Variants in TMC6 observed in about 807,000 individuals in gnomAD.
TMC6 encodes the protein transmembrane channel like 6.
TMC6 carries 71 observed loss-of-function variants against 95.4 expected under a neutral mutation model. That is an observed-to-expected ratio of 0.74 (90% CI 0.61 to 0.91). The LOEUF is 0.91. Ranked by LOEUF, TMC6 falls within the 40% of genes least tolerant of loss-of-function variation. TMC6 has a pLI of 0.00. For synonymous variants in TMC6, 514 were observed against 483.1 expected, an observed-to-expected ratio of 1.06 and a Z score of -0.84; for missense variants, 1,074 against 1,079.1, an observed-to-expected ratio of 1.00 and a Z score of 0.07.
Position 78,109,169 on chromosome 17 carries a change from G to T in TMC6, c.*3979C>A, listed in dbSNP as rs2073773741. ...ACATCACGGCAGAACGGTAAAGGCA[G>T]AAAGCACAGTGCCCAGCAGCTAGCA... On this transcript the variant is annotated 3_prime_UTR_variant, in exon 20 of 20. Transcript: ENST00000590602. 3.2e-6 allele frequency: 1 copy of T among 316,118 alleles called. No homozygotes were observed. The highest frequency in any genetic ancestry group is 4.5e-5 in the Admixed American group (1 of 22,062). The allele number at this position is 316,118 out of a possible 1,614,324, so 19.6% of individuals were successfully genotyped here.
rs201014463 is a variant in TMC6 at position 78,125,816 on chromosome 17, G to T, written c.340C>A (p.Arg114=). The T allele has an allele frequency of 1.3e-6, 2 of 1,556,490 alleles. No individual in the cohort carries two copies. Among genetic ancestry groups the T allele is most frequent in the Admixed American group, 1.9e-5 (1 of 51,892 alleles). ...RTVQLRCRSS[R]PLLGNFVRSA... ...CGGACAAAGTTCCCGAGCAGGGGCCGGCTGCTCCTGCACCGAAGCTGCACC... is the reference window on the plus strand; with the variant it reads ...CGGACAAAGTTCCCGAGCAGGGGCCTGCTGCTCCTGCACCGAAGCTGCACC... The change falls in exon 5 of 20, where the codon CGG becomes AGG. Residue 114 remains arginine (R), a synonymous_variant. Coordinates refer to ENST00000590602, the MANE Select transcript of TMC6 (RefSeq NM_001127198.5).
rs1363330202 is a variant in TMC6 at position 78,112,298 on chromosome 17, G to A, written c.*850C>T. The A allele has an allele frequency of 4.1e-6, 1 of 245,630 alleles. No homozygotes were observed. The highest frequency in any genetic ancestry group is 2.4e-5 in the African/African-American group (1 of 41,830). 15.2% of individuals were successfully genotyped at this position (245,630 alleles called of 1,614,324 possible). A position where few individuals can be genotyped will look rare whatever the true frequency, so the allele number is the denominator to read the frequency against. Reference sequence around the variant, plus strand: ...CTGGTCCCCGCAGACCTGGAGCCCTGGGCTGTCATGGGCTGGTCCCTGCAG... The same window carrying A: ...CTGGTCCCCGCAGACCTGGAGCCCTAGGCTGTCATGGGCTGGTCCCTGCAG... On this transcript the variant is annotated 3_prime_UTR_variant, in exon 20 of 20. Transcript: ENST00000590602.
rs1323244690 is a variant in TMC6 at position 78,109,729 on chromosome 17, G to T, written c.*3419C>A. On this transcript the variant is annotated 3_prime_UTR_variant, in exon 20 of 20. Transcript: ENST00000590602. ...GTGCTCGGATGGGCCCAGAGCAGGG[G>T]TTCTCAACCTTGGCCCATTAGAATT... The T allele has an allele frequency of 2.8e-6, 1 of 358,766 alleles. No homozygotes were observed. The highest frequency in any genetic ancestry group is 7.5e-5 in the East Asian group (1 of 13,412). The allele number at this position is 358,766 out of a possible 1,614,324, so 22.2% of individuals were successfully genotyped here. A position where few individuals can be genotyped will look rare whatever the true frequency, so the allele number is the denominator to read the frequency against.
At chr17:78,115,681 G>A (rs373306462) in intron 18 of TMC6, among the ~76,000 whole-genome samples, 5,961 of 83,124 alleles carry the variant, frequency 0.072, 130 homozygotes, top group Middle Eastern at 0.099. Flanking sequence ...TGGGCACAGG[G>A]GCGAAGGGAG....
intron 8 of TMC6, 32 bp downstream of exon 8, chr17:78,124,492 C>A (rs1479885716): frequency 6.2e-7 from 1 of 1,602,548 alleles, no homozygotes. Context: ...AAGACAGGCA[C>A]CCCCCGTCCC....
Position 78,117,879 on chromosome 17 carries a change from CAT to C in TMC6, c.1942_1943del (p.Met648GlufsTer112), listed in dbSNP as rs1458008918. On this transcript the variant is annotated frameshift_variant, in exon 16 of 20. Coordinates refer to ENST00000590602, the MANE Select transcript of TMC6 (RefSeq NM_001127198.5). LOFTEE classifies it high-confidence loss of function. ...AGAGCAGCGTGAGGAAGACGGTGCT[CAT>C]GTGTGAGGCCAGCCAGGGCCGGCGC... ...APRRPWLASH[M>X]STVFLTLLCF... 6.8e-6 allele frequency: 11 copies of C among 1,607,314 alleles called. No homozygotes were observed. Among genetic ancestry groups the C allele is most frequent in the Non-Finnish European group, 9.3e-6 (11 of 1,177,388 alleles).
chr17:78,126,675 A>C, intron 2 of TMC6, 27 bp from the exon 3 acceptor site: 1 of 1,612,382 alleles, frequency 6.2e-7, no homozygotes, highest in Non-Finnish European at 8.5e-7. Context: ...CGGGGGGGTC[A>C]GGCTCCAGCC....
In TMC6 at chr17:78,124,734, C is replaced by T; in HGVS notation, c.681G>A (p.Leu227=). 1 of 1,586,226 alleles carries T rather than the reference C, an allele frequency of 6.3e-7. No homozygotes were observed. Among genetic ancestry groups the T allele is most frequent in the Non-Finnish European group, 8.6e-7 (1 of 1,166,828 alleles). ...GCTTCAGGGCGTAGCGCCACGGCAT[C>T]AGGGCCTGCAGGGCGGAGAGCAGCG... The part of the protein sequence containing the change: ...GLALLSALQA[L]MPWRYALKRI... The change falls in exon 8 of 20, where the codon CTG becomes CTA. Residue 227 remains leucine, a synonymous_variant. Coordinates refer to ENST00000590602, the MANE Select transcript of TMC6 (RefSeq NM_001127198.5).
Position 78,112,868 on chromosome 17 carries a change from G to A in TMC6, c.*280C>T, listed in dbSNP as rs1167600049. ...CGCCTGGAGGTGGCCCCAGGGCAGCGGGAAGCAGGCCCCGGGTGTGGTCAC... is the reference window on the plus strand; with the variant it reads ...CGCCTGGAGGTGGCCCCAGGGCAGCAGGAAGCAGGCCCCGGGTGTGGTCAC... On this transcript the variant is annotated 3_prime_UTR_variant, in exon 20 of 20. Coordinates refer to ENST00000590602, the MANE Select transcript of TMC6 (RefSeq NM_001127198.5). The A allele has an allele frequency of 6.4e-5, 32 of 499,650 alleles. No homozygotes were observed. The highest frequency in any genetic ancestry group is 2.6e-4 in the South Asian group (10 of 38,252). 31.0% of individuals were successfully genotyped at this position (499,650 alleles called of 1,614,324 possible).
rs141652880 is a variant in TMC6, at chr17:78,112,656, T to C, written c.*492A>G. 1,220 of 187,302 alleles carry C rather than the reference T, an allele frequency of 6.5e-3. 8 individuals carry two copies. Among genetic ancestry groups the C allele is most frequent in the Non-Finnish European group, 8.8e-3 (786 of 88,836 alleles). 11.6% of individuals were successfully genotyped at this position (187,302 alleles called of 1,614,324 possible). On this transcript the variant is annotated 3_prime_UTR_variant, in exon 20 of 20. Transcript: ENST00000590602. ...ACAGCATCACCCAATGGTTGACGCATCGCTCTGGTCACAATCCGTGCCTGC... is the reference window on the plus strand; with the variant it reads ...ACAGCATCACCCAATGGTTGACGCACCGCTCTGGTCACAATCCGTGCCTGC...
In TMC6 at chr17:78,117,930, G is replaced by T. The variant is rs777551337; in HGVS notation, c.1893C>A (p.Ser631Arg). The T allele has an allele frequency of 7.5e-6, 12 of 1,600,228 alleles. No homozygotes were observed. The Admixed American group carries it at 1.2e-4, about 16-fold the overall frequency. Reference sequence around the variant, plus strand: ...GCGGCGCCTGGCAGTTGGCCAGAAGGCTGGTCTGTGGGGAAAGGCTGCGCT... The same window carrying T: ...GCGGCGCCTGGCAGTTGGCCAGAAGTCTGGTCTGTGGGGAAAGGCTGCGCT... ...LLLVFYVKKT[S>R]LLANCQAPRR... Residue 631 changes from serine (S) to arginine (R), a missense_variant, in exon 16 of 20, where the codon AGC (serine) becomes AGA (arginine). Physicochemically the swap from Ser to Arg is moderately radical, Grantham distance 110. Transcript: ENST00000590602.
intron 15 of TMC6, 42 bp from the exon 16 acceptor site, chr17:78,117,977 T>A (rs1322341470): frequency 4.4e-6 from 7 of 1,573,050 alleles, no homozygotes; most frequent in Non-Finnish European, 6.0e-6. Flanking sequence ...CTGCTACCCC[T>A]CAGCACCCCT....
intron 15 of TMC6, 126 bp downstream of exon 15, chr17:78,118,845 G>C: frequency 1.9e-6 from 2 of 1,077,688 alleles, no homozygotes; most frequent in South Asian, 1.4e-5. Flanking sequence ...GGGCAGCCCC[G>C]AGCCGCCAGC....
intron 15 of TMC6, among the ~76,000 whole-genome samples, chr17:78,118,413 G>A (rs1379563397): frequency 1.3e-5 from 2 of 152,180 alleles, no homozygotes; most frequent in Admixed American, 6.5e-5. Context: ...AAAATTAGCT[G>A]GGTGTGGTGG....
Position 78,119,768 on chromosome 17 carries a change from G to A in TMC6, c.1716-376C>T, listed in dbSNP as rs561363878. 2.5e-4 allele frequency: 100 copies of A among 397,402 alleles called. 1 individual carries two copies. Among genetic ancestry groups the A allele is most frequent in the African/African-American group, 2.0e-3 (97 of 47,728 alleles). The allele number at this position is 397,402 out of a possible 1,614,324, so 24.6% of individuals were successfully genotyped here. On this transcript the variant is annotated intron_variant, in intron 13 of 19. Coordinates refer to ENST00000590602, the MANE Select transcript of TMC6 (RefSeq NM_001127198.5). The stretch of plus-strand genomic sequence containing the variant: ...TCCCACCTCAGCCTCCTGAGTAGCT[G>A]GGACTACAGGCACACACCACCAGGC...
At chr17:78,119,449 C>G in intron 13 of TMC6, 57 bp from the exon 14 acceptor site, 1 of 1,579,678 alleles carries the variant, frequency 6.3e-7, no homozygotes, top group Non-Finnish European at 8.7e-7. Context: ...GGAGGCCAGC[C>G]TGAGTCCCCA....
chr17:78,117,558 G>A lies in TMC6; in HGVS notation c.2108C>T (p.Ala703Val), dbSNP rs774998109. The stretch of plus-strand genomic sequence containing the variant: ...CAGCCAGGAGACCCTGGGGCCTGCC[G>A]CCTCCAGGTGGCGCACCCACACCCT... ...AGRVWVRHLE[A>V]AGPRVSWLPW... Residue 703 changes from alanine (A) to valine (V), a missense_variant, in exon 17 of 20, where the codon GCG becomes GTG. Physicochemically the swap from Ala to Val is moderately conservative, Grantham distance 64. Coordinates refer to ENST00000590602, the MANE Select transcript of TMC6 (RefSeq NM_001127198.5). The A allele has an allele frequency of 1.0e-5, 16 of 1,594,878 alleles. No homozygotes were observed. The highest frequency in any genetic ancestry group is 4.5e-5 in the East Asian group (2 of 43,962).
chr17:78,126,921 G>A lies in TMC6; in HGVS notation c.-74-15C>T, dbSNP rs938942878. The A allele has an allele frequency of 3.8e-5, 56 of 1,487,036 alleles. No homozygotes were observed. The highest frequency in any genetic ancestry group is 2.3e-4 in the Middle Eastern group (1 of 4,262). 92.1% of individuals were successfully genotyped at this position (1,487,036 alleles called of 1,614,324 possible). A position where few individuals can be genotyped will look rare whatever the true frequency, so the allele number is the denominator to read the frequency against. On this transcript the variant is annotated splice_polypyrimidine_tract_variant and intron_variant, in intron 1 of 19. Transcript: ENST00000590602. ...GGAGCCCCCATCTGATGAGACAGGGGCACAGAGCCAGGGGTGGTCTTCAAC... is the reference window on the plus strand; with the variant it reads ...GGAGCCCCCATCTGATGAGACAGGGACACAGAGCCAGGGGTGGTCTTCAAC...
chr17:78,126,780 T>C lies in TMC6; in HGVS notation c.53A>G (p.Gln18Arg), dbSNP rs1280739451. ...CCCCCAGCCCCAGAGCGCTTACCCC[T>C]GGTCCCCTGGGGTCTCAGGGACATC... ...ILDVPETPGD[Q>R]GQGPSPYDES... The change falls in exon 2 of 20, where the codon CAG becomes CGG. Residue 18 changes from glutamine (Q) to arginine (R), a missense_variant. Physicochemically the swap from Gln to Arg is conservative, Grantham distance 43 (BLOSUM62 1). Coordinates refer to ENST00000590602, the MANE Select transcript of TMC6 (RefSeq NM_001127198.5). The C allele has an allele frequency of 1.1e-5, 17 of 1,613,060 alleles. No homozygotes were observed. In the Admixed American group the frequency reaches 2.8e-4, roughly 27 times the overall value.
Sources: gnomAD v4.1 joint callset for allele counts (sites outside exome capture counted in the v4.1 genomes callset) on GRCh38, gnomAD v4.1.1 for gene constraint, MANE v1.5 for transcripts, NCBI Gene and HGNC (gene_info 2026-07-23, HGNC 2026-07-21) for gene names.